Variants in FOCAD observed in about 807,000 individuals in gnomAD.
FOCAD encodes the protein KIAA1797.
A neutral mutation model predicts 225.6 loss-of-function variants in FOCAD; 198 were observed. The ratio of observed to expected loss-of-function variants is 0.88; its 90% confidence interval spans 0.78 to 0.99. The LOEUF is 0.99. FOCAD is among the 50% of genes least tolerant of loss of function. The pLI, the probability that FOCAD is intolerant of heterozygous loss-of-function variation, is 0.00. For synonymous variants in FOCAD, 897 were observed against 755.0 expected (o/e 1.19, Z -3.08); for missense variants, 2,713 against 2,123.6 (o/e 1.28, Z -5.46).
At chr9:20,764,538 AGC>A (rs1829892953) in intron 6 of FOCAD, among the ~76,000 whole-genome samples, 1 of 152,204 alleles carries the variant, frequency 6.6e-6, no homozygotes, top group Non-Finnish European at 1.5e-5. Flanking sequence ...TATAGGCGTG[AGC>A]CTCCGTGCCC....
intron 4 of FOCAD, among the ~76,000 whole-genome samples, chr9:20,731,279 CAACAA>C (rs1826676579): frequency 8.7e-6 from 1 of 115,174 alleles, no homozygotes; most frequent in South Asian, 2.9e-4. Flanking sequence ...ACAACAACAA[CAACAA>C]AGTACTTCAT....
At chr9:20,877,964 C>G (rs898428918) in intron 19 of FOCAD, among the ~76,000 whole-genome samples, 7 of 152,076 alleles carry the variant, frequency 4.6e-5, no homozygotes, top group African/African-American at 1.2e-4. Flanking sequence ...TGCAGTCACT[C>G]AAAGAATTGA....
At chr9:20,865,362 A>G (rs1829133966) in intron 16 of FOCAD, among the ~76,000 whole-genome samples, 1 of 152,090 alleles carries the variant, frequency 6.6e-6, no homozygotes, top group Admixed American at 6.6e-5. Context: ...AGGGGCAAAA[A>G]GTTAGATGTG....
At chr9:20,866,030 G>T in intron 17 of FOCAD, 54 bp downstream of exon 17, 1 of 1,440,198 alleles carries the variant, frequency 6.9e-7, no homozygotes, top group South Asian at 1.3e-5. Context: ...AAATAATTTT[G>T]ACATTTGTAA....
At chr9:20,939,348 A>G (rs139751943) in intron 28 of FOCAD, among the ~76,000 whole-genome samples, 3,146 of 152,172 alleles carry the variant, frequency 0.021, 45 homozygotes, top group Non-Finnish European at 0.031. Flanking sequence ...GGAATAAGAT[A>G]TTTTCATGTC....
chr9:20,844,190 G>A (rs1480205604), intron 15 of FOCAD, among the ~76,000 whole-genome samples: 1 of 151,896 alleles, frequency 6.6e-6, no homozygotes, highest in Non-Finnish European at 1.5e-5. Flanking sequence ...AAACCACCCA[G>A]ATGGCCATTT....
intron 35 of FOCAD, among the ~76,000 whole-genome samples, chr9:20,960,752 A>G (rs1247167252): frequency 2.9e-5 from 3 of 104,198 alleles, no homozygotes; most frequent in Non-Finnish European, 5.6e-5. Flanking sequence ...ACCCCACAAC[A>G]GGCCTCGGTG....
chr9:20,855,812 T>A (rs1217972295), intron 15 of FOCAD, among the ~76,000 whole-genome samples: 2 of 149,368 alleles, frequency 1.3e-5, no homozygotes, highest in Non-Finnish European at 1.5e-5. Flanking sequence ...TTTTTTTTTT[T>A]AACACTTCCA....
At chr9:20,769,195 T>A (rs954808474) in intron 7 of FOCAD, among the ~76,000 whole-genome samples, 1 of 152,244 alleles carries the variant, frequency 6.6e-6, no homozygotes, top group Non-Finnish European at 1.5e-5. Context: ...TTTTTTCTCT[T>A]GTTTGCTAGC....
rs1196282194 is a variant in FOCAD at position 20,764,891 on chromosome 9, A to G, written c.517A>G (p.Ile173Val). 30 of 1,614,060 alleles carry G rather than the reference A, an allele frequency of 1.9e-5. No individual in the cohort carries two copies. Among genetic ancestry groups the G allele is most frequent in the Non-Finnish European group, 2.5e-5 (30 of 1,179,960 alleles). Residue 173 changes from isoleucine to valine, a missense_variant, in exon 7 of 44, where the codon ATA (isoleucine) becomes GTA (valine). By Grantham distance (29) the Ile-to-Val change is conservative. Transcript: ENST00000338382. ...TAGGTTAGAAGTTTCATGCATTCAAATAATGGCACCATTTCTGTGGTATCT... is the reference window on the plus strand; with the variant it reads ...TAGGTTAGAAGTTTCATGCATTCAAGTAATGGCACCATTTCTGTGGTATCT... ...PERLEVSCIQ[I>V]MAPFLWYLYC...
At chr9:20,735,503 T>G in intron 4 of FOCAD, among the ~76,000 whole-genome samples, 1 of 143,694 alleles carries the variant, frequency 7.0e-6, no homozygotes. Flanking sequence ...CTCCCCTCCC[T>G]TCCCCTCCTC....
At chr9:20,974,414 C>G (rs1363902104) in intron 35 of FOCAD, among the ~76,000 whole-genome samples, 1 of 97,290 alleles carries the variant, frequency 1.0e-5, no homozygotes, top group Non-Finnish European at 2.1e-5. Flanking sequence ...CTCTGCTTCT[C>G]CTTTTCCCTG....
At chr9:20,942,527 T>G (rs537196618) in intron 28 of FOCAD, among the ~76,000 whole-genome samples, 1 of 152,356 alleles carries the variant, frequency 6.6e-6, no homozygotes, top group Admixed American at 6.5e-5. Context: ...GCATGATACG[T>G]TCAGTGAATT....
At chr9:20,702,043 T>C (rs376478712) in intron 1 of FOCAD, among the ~76,000 whole-genome samples, 5 of 152,176 alleles carry the variant, frequency 3.3e-5, no homozygotes, top group African/African-American at 1.2e-4. Flanking sequence ...CTGAGCAAAA[T>C]GCTTTAATGG....
At chr9:20,929,066 T>C (rs1835221510) in intron 26 of FOCAD, 2 of 255,768 alleles carry the variant, frequency 7.8e-6, no homozygotes, top group Non-Finnish European at 1.5e-5. Context: ...AACACTGAAA[T>C]TGTTTCAAGC....
chr9:20,939,150 C>CA lies in FOCAD; in HGVS notation c.3408-5460dup, dbSNP rs565280892. On this transcript the variant is annotated intron_variant, in intron 28 of 43. Coordinates refer to ENST00000338382, the MANE Select transcript of FOCAD (RefSeq NM_001375567.1). The stretch of plus-strand genomic sequence containing the variant: ...GGGCGACAGAGCGAGACTCTCTTCT[C>CA]AAAAAAAAAAAAAAAAAGAGTGTGG... 1.1e-3 allele frequency among the ~76,000 whole-genome samples: 77 copies of CA among 72,460 alleles called. 3 individuals carry two copies. The highest frequency in any genetic ancestry group is 2.6e-3 in the South Asian group (4 of 1,564). The allele number at this position is 72,460 out of a possible 152,430, so 47.5% of individuals were successfully genotyped here. A position where few individuals can be genotyped will look rare whatever the true frequency, so the allele number is the denominator to read the frequency against.
intron 15 of FOCAD, among the ~76,000 whole-genome samples, chr9:20,845,963 A>G (rs1177045759): frequency 1.3e-5 from 2 of 152,130 alleles, no homozygotes; most frequent in Non-Finnish European, 2.9e-5. Flanking sequence ...ATAGAAGGAA[A>G]TCTCAAATGT....
At chr9:20,799,721 T>A (rs1219436980) in intron 11 of FOCAD, among the ~76,000 whole-genome samples, 1 of 152,144 alleles carries the variant, frequency 6.6e-6, no homozygotes, top group African/African-American at 2.4e-5. Flanking sequence ...TCCATCCCTT[T>A]ATTTTGAGCC....
chr9:20,914,655 G>A (rs1341979259), intron 23 of FOCAD, among the ~76,000 whole-genome samples: 1 of 152,144 alleles, frequency 6.6e-6, no homozygotes, highest in African/African-American at 2.4e-5. Context: ...GCGCAAGGAT[G>A]GAAGTAGTGG....
Sources: gnomAD v4.1 joint callset for allele counts (sites outside exome capture counted in the v4.1 genomes callset) on GRCh38, gnomAD v4.1.1 for gene constraint, MANE v1.5 for transcripts, NCBI Gene and HGNC (gene_info 2026-07-23, HGNC 2026-07-21) for gene names.